The following PATJ variants were observed in gnomAD, a reference collection of about 807,000 sequenced individuals.
The protein encoded by PATJ is inaD-like protein.
A neutral mutation model predicts 224.9 loss-of-function variants in PATJ; 190 were observed. That is an observed-to-expected ratio of 0.84 (90% CI 0.75 to 0.95). The LOEUF is 0.95. Among genes scored for constraint, PATJ ranks in the 40% least tolerant of loss-of-function variants. The pLI, the probability that PATJ is intolerant of heterozygous loss-of-function variation, is 0.00. For missense variants in PATJ, 2,121 were observed against 2,270.3 expected (o/e 0.93, Z 1.34); for synonymous variants, 769 against 820.3 (o/e 0.94, Z 1.07).
chr1:61,987,675 C>T (rs1260481185), intron 27 of PATJ, among the ~76,000 whole-genome samples: 1 of 152,140 alleles, frequency 6.6e-6, no homozygotes, highest in Non-Finnish European at 1.5e-5. Context: ...TATCAATTAA[C>T]CTTTCAGTCT....
intron 34 of PATJ, among the ~76,000 whole-genome samples, chr1:62,108,951 C>T (rs1663465726): frequency 6.6e-6 from 1 of 152,006 alleles, no homozygotes; most frequent in African/African-American, 2.4e-5. Flanking sequence ...ATCTTTATGC[C>T]AAATGGAAGT....
chr1:61,936,309 C>T (rs1408586455), intron 27 of PATJ, among the ~76,000 whole-genome samples: 3 of 150,482 alleles, frequency 2.0e-5, no homozygotes, highest in African/African-American at 7.3e-5. Context: ...TATCCCAAAC[C>T]TCTCCCCTTC....
At chr1:62,084,746 A>T in intron 33 of PATJ, 98 bp downstream of exon 33, 1 of 1,179,776 alleles carries the variant, frequency 8.5e-7, no homozygotes, top group African/African-American at 1.5e-5. Context: ...TGCCTTTTTC[A>T]TAGTATGAGG....
chr1:62,121,419 T>G (rs1201017641), intron 38 of PATJ, 124 bp downstream of exon 38: 1 of 645,534 alleles, frequency 1.5e-6, no homozygotes, highest in Admixed American at 3.0e-5. Context: ...CTTGGCCACA[T>G]AAGCTGAGCT....
intron 22 of PATJ, among the ~76,000 whole-genome samples, chr1:61,898,001 A>G (rs1019374941): frequency 2.6e-5 from 4 of 152,190 alleles, no homozygotes; most frequent in African/African-American, 9.7e-5. Context: ...TCCTTTTCAC[A>G]TGGCCTTACA....
chr1:61,813,884 C>T (rs771104720), intron 14 of PATJ, among the ~76,000 whole-genome samples: 1 of 151,958 alleles, frequency 6.6e-6, no homozygotes, highest in Non-Finnish European at 1.5e-5. Flanking sequence ...AATAGTATTT[C>T]GTATATACCT....
At chr1:61,933,793 T>C (rs1676394368) in intron 27 of PATJ, among the ~76,000 whole-genome samples, 8 of 152,226 alleles carry the variant, frequency 5.3e-5, no homozygotes. Context: ...GTCTCAGTTT[T>C]GGCTCAAGCC....
At chr1:61,782,655 T>C (rs370681510) in intron 7 of PATJ, among the ~76,000 whole-genome samples, 2 of 152,302 alleles carry the variant, frequency 1.3e-5, no homozygotes, top group East Asian at 3.9e-4. Context: ...GCCAATTCCA[T>C]GGATAGAGAA....
intron 14 of PATJ, among the ~76,000 whole-genome samples, chr1:61,813,951 T>C (rs1007714149): frequency 6.6e-6 from 1 of 152,058 alleles, no homozygotes; most frequent in Non-Finnish European, 1.5e-5. Context: ...GGTAGTTTTG[T>C]TTCCCAGTTA....
intron 3 of PATJ, among the ~76,000 whole-genome samples, chr1:61,764,910 G>A (rs1395807225): frequency 6.6e-6 from 1 of 151,964 alleles, no homozygotes; most frequent in Non-Finnish European, 1.5e-5. Context: ...ACACTTGTTG[G>A]ACTAAGAGTG....
At chr1:61,760,026 G>A (rs1570308987) in intron 1 of PATJ, among the ~76,000 whole-genome samples, 2 of 152,328 alleles carry the variant, frequency 1.3e-5, no homozygotes, top group African/African-American at 4.8e-5. Flanking sequence ...TAGAGAGGTT[G>A]ATGTGTTAAT....
chr1:61,936,451 A>AT (rs1676889284), intron 27 of PATJ, among the ~76,000 whole-genome samples: 1 of 149,068 alleles, frequency 6.7e-6, no homozygotes, highest in African/African-American at 2.4e-5. Flanking sequence ...AAAAAAAAAA[A>AT]GCCGGAAAGG....
At chr1:61,869,859 A>C (rs1666057053) in intron 20 of PATJ, among the ~76,000 whole-genome samples, 1 of 152,252 alleles carries the variant, frequency 6.6e-6, no homozygotes, top group Admixed American at 6.5e-5. Context: ...GAGCGGGTGC[A>C]GGAGCCTGGG....
At chr1:62,155,952 G>A (rs1490411172) in intron 43 of PATJ, among the ~76,000 whole-genome samples, 1 of 149,850 alleles carries the variant, frequency 6.7e-6, no homozygotes, top group African/African-American at 2.4e-5. Context: ...CAGCTACTCG[G>A]GAGGCTGAGG....
chr1:61,793,054 T>G (rs1489591935), intron 9 of PATJ, among the ~76,000 whole-genome samples: 1 of 152,122 alleles, frequency 6.6e-6, no homozygotes, highest in Non-Finnish European at 1.5e-5. Flanking sequence ...ACTTAGTTCT[T>G]TTTTAAAAAT....
Position 62,145,882 on chromosome 1 carries a change from C to T in PATJ, c.5272-2402C>T, listed in dbSNP as rs186044347. On this transcript the variant is annotated intron_variant, in intron 41 of 43. Transcript: ENST00000642238. ...CTAAGGCACGAGAATTGCTTGAACC[C>T]GGGAGGCAGAGGCTGCAGTGAGCCG... 2.1e-3 allele frequency among the ~76,000 whole-genome samples: 314 copies of T among 152,090 alleles called. 1 individual carries two copies. The highest frequency in any genetic ancestry group is 3.4e-3 in the Non-Finnish European group (233 of 68,000).
At chr1:62,090,277 T>A (rs920488362) in intron 33 of PATJ, among the ~76,000 whole-genome samples, 9 of 152,186 alleles carry the variant, frequency 5.9e-5, no homozygotes, top group African/African-American at 2.2e-4. Context: ...CTCCCAGGCT[T>A]GCCTTTGGTG....
intron 27 of PATJ, among the ~76,000 whole-genome samples, chr1:61,930,297 C>T (rs1256503949): frequency 3.3e-5 from 5 of 152,156 alleles, no homozygotes; most frequent in Non-Finnish European, 7.3e-5. Flanking sequence ...TCTGGCCTTC[C>T]CGTATTTCCC....
chr1:61,924,820 C>G (rs1411100498), intron 26 of PATJ, among the ~76,000 whole-genome samples: 1 of 152,122 alleles, frequency 6.6e-6, no homozygotes, highest in African/African-American at 2.4e-5. Context: ...GCAGCTATAG[C>G]CATATGTCAA....
Sources: allele counts gnomAD v4.1 joint callset (sites outside exome capture counted in the v4.1 genomes callset), GRCh38; gene constraint gnomAD v4.1.1; transcripts MANE v1.5; gene names NCBI Gene and HGNC (gene_info 2026-07-23, HGNC 2026-07-21).